CFAP20DC: variants seen among roughly 807,000 people sequenced by gnomAD.
The protein encoded by CFAP20DC is CFAP20 domain containing.
CFAP20DC carries 84 observed loss-of-function variants against 101.7 expected under a neutral mutation model. The observed-to-expected ratio is 0.83, with a 90% CI of 0.69 to 0.99. The LOEUF (loss-of-function observed/expected upper bound fraction) is 0.99, where lower values mean the gene tolerates loss of function less well. CFAP20DC is among the 50% of genes least tolerant of loss of function. The pLI, the probability that CFAP20DC is intolerant of heterozygous loss-of-function variation, is 0.00. For synonymous variants in CFAP20DC, 359 were observed against 351.2 expected (o/e 1.02, Z -0.25); for missense variants, 1,007 against 970.3 (o/e 1.04, Z -0.50).
chr3:58,811,161 A>G (rs935127867), intron 14 of CFAP20DC, among the ~76,000 whole-genome samples: 1 of 152,136 alleles, frequency 6.6e-6, no homozygotes, highest in African/African-American at 2.4e-5. Context: ...TGCCATCCCC[A>G]TCAAGCTACC....
intron 15 of CFAP20DC, among the ~76,000 whole-genome samples, chr3:58,763,954 G>C (rs533648254): frequency 8.9e-4 from 136 of 152,266 alleles, no homozygotes; most frequent in African/African-American, 2.7e-3. Context: ...CCCTACTCGG[G>C]GGTTCCTCCC....
At chr3:58,845,567 C>A (rs1202693411) in intron 13 of CFAP20DC, among the ~76,000 whole-genome samples, 1 of 151,860 alleles carries the variant, frequency 6.6e-6, no homozygotes, top group Non-Finnish European at 1.5e-5. Context: ...GATTCACAGC[C>A]GAATTCTACC....
At chr3:58,735,681 A>G (rs577310904) in intron 3 of CFAP20DC, among the ~76,000 whole-genome samples, 23 of 152,276 alleles carry the variant, frequency 1.5e-4, no homozygotes, top group African/African-American at 5.5e-4. Flanking sequence ...CATGAATGGG[A>G]CCCAGGCAGC....
chr3:58,812,514 A>T (rs1036324853), intron 14 of CFAP20DC, among the ~76,000 whole-genome samples: 7 of 150,452 alleles, frequency 4.7e-5, no homozygotes, highest in African/African-American at 9.8e-5. Flanking sequence ...ATGAGAACAC[A>T]TGGACACAGG....
intron 4 of CFAP20DC, among the ~76,000 whole-genome samples, chr3:58,982,306 T>C (rs1159194469): frequency 6.6e-6 from 1 of 152,212 alleles, no homozygotes; most frequent in Non-Finnish European, 1.5e-5. Flanking sequence ...AGTGTGGCGA[T>C]TCCTCAGGGA....
intron 15 of CFAP20DC, among the ~76,000 whole-genome samples, chr3:58,775,522 C>A (rs1314619309): frequency 6.6e-6 from 1 of 151,950 alleles, no homozygotes; most frequent in Non-Finnish European, 1.5e-5. Flanking sequence ...AATAATTCAC[C>A]TAAAAATAAA....
intron 4 of CFAP20DC, among the ~76,000 whole-genome samples, chr3:58,958,173 T>G (rs1442308006): frequency 2.6e-5 from 4 of 152,110 alleles, no homozygotes; most frequent in African/African-American, 9.7e-5. Flanking sequence ...AAATCCCTTA[T>G]GCTTGTTTGC....
At chr3:58,865,086 T>A (rs1220042281) in intron 11 of CFAP20DC, among the ~76,000 whole-genome samples, 1 of 149,466 alleles carries the variant, frequency 6.7e-6, no homozygotes, top group Non-Finnish European at 1.5e-5. Context: ...CTCAATGTAG[T>A]CTTTTTTTTT....
chr3:58,769,972 T>G (rs2070693764), intron 15 of CFAP20DC, among the ~76,000 whole-genome samples: 3 of 152,194 alleles, frequency 2.0e-5, no homozygotes, highest in Non-Finnish European at 4.4e-5. Context: ...AAGTGCTCAG[T>G]GCTCTAAGAA....
intron 5 of CFAP20DC, among the ~76,000 whole-genome samples, chr3:58,931,356 CA>C (rs2086649989): frequency 1.3e-5 from 2 of 152,210 alleles, no homozygotes; most frequent in Non-Finnish European, 2.9e-5. Flanking sequence ...CACAGACAAA[CA>C]AAAAGACAGC....
At chr3:58,821,822 G>A (rs1447507038) in intron 14 of CFAP20DC, among the ~76,000 whole-genome samples, 1 of 137,370 alleles carries the variant, frequency 7.3e-6, no homozygotes, top group Non-Finnish European at 1.6e-5. Flanking sequence ...TATAAATCAT[G>A]CTGCTATAAA....
chr3:58,768,353 CA>C (rs1200757659), intron 15 of CFAP20DC, among the ~76,000 whole-genome samples: 10 of 152,220 alleles, frequency 6.6e-5, no homozygotes, highest in African/African-American at 1.9e-4. Context: ...GGGAATGAAA[CA>C]GTATTGGCAC....
rs537145922 is a variant in CFAP20DC, at chr3:58,969,485, T to C, written c.279-31723A>G. 8.5e-5 allele frequency among the ~76,000 whole-genome samples: 13 copies of C among 152,250 alleles called. No homozygotes were observed. In the South Asian group the frequency reaches 2.3e-3, roughly 27 times the overall value. On this transcript the variant is annotated intron_variant, in intron 4 of 16. Coordinates refer to ENST00000482387, the MANE Select transcript of CFAP20DC (RefSeq NM_001394063.1). ...CACTCGTAGGTGAGCTCCAAGAGGA[T>C]TGAAAACATATGTCCACACACAAAC...
At chr3:58,935,812 T>C (rs2107746530) in intron 5 of CFAP20DC, among the ~76,000 whole-genome samples, 1 of 152,238 alleles carries the variant, frequency 6.6e-6, no homozygotes. Flanking sequence ...TCTAAAACCA[T>C]AAAAACCCTA....
At chr3:58,733,426 C>A (rs2067686184) in intron 3 of CFAP20DC, among the ~76,000 whole-genome samples, 5 of 152,082 alleles carry the variant, frequency 3.3e-5, no homozygotes. Flanking sequence ...AAACATTCGT[C>A]ATATACTCTG....
intron 15 of CFAP20DC, among the ~76,000 whole-genome samples, chr3:58,783,879 G>A (rs959633443): frequency 1.3e-5 from 2 of 151,716 alleles, no homozygotes; most frequent in Admixed American, 1.3e-4. Flanking sequence ...TTAGATTCAG[G>A]GGATACATGT....
At position 59,001,473 on chromosome 3, in the gene CFAP20DC, C is replaced by T. The variant is rs116982535; in HGVS notation, c.278+38084G>A. On this transcript the variant is annotated intron_variant, in intron 4 of 16. Transcript: ENST00000482387. The surrounding 1 kb of genome is among the most constrained non-coding windows in gnomAD (Gnocchi z 4.5). Reference sequence around the variant, plus strand: ...AGGCTGGAGTGCAATGGCTCAATCTCAGCCTCGATCTCACCCCAACCTCCG... The same window carrying T: ...AGGCTGGAGTGCAATGGCTCAATCTTAGCCTCGATCTCACCCCAACCTCCG... Among the ~76,000 whole-genome samples the T allele has an allele frequency of 5.5e-4, 83 of 152,250 alleles. No homozygotes were observed. The East Asian group carries it at 0.015, about 28-fold the overall frequency.
rs1295489032 is a variant in CFAP20DC at position 58,799,272 on chromosome 3, C to T, written c.2237+7123G>A. On this transcript the variant is annotated intron_variant, in intron 15 of 16. Coordinates refer to ENST00000482387, the MANE Select transcript of CFAP20DC (RefSeq NM_001394063.1). This position sits in a 1 kb window ranked among gnomAD's most constrained non-coding sequence, Gnocchi z 4.9. ...AAATAAGCAACTGCCAGTAAGAATA[C>T]AGGGCGAACACACTAATTCAATTTT... Among the ~76,000 whole-genome samples, 1 of 152,096 alleles carries T rather than the reference C, an allele frequency of 6.6e-6. No individual in the cohort carries two copies. Among genetic ancestry groups the T allele is most frequent in the African/African-American group, 2.4e-5 (1 of 41,404 alleles).
intron 15 of CFAP20DC, among the ~76,000 whole-genome samples, chr3:58,796,477 G>T (rs1031205374): frequency 1.3e-5 from 2 of 152,200 alleles, no homozygotes; most frequent in Non-Finnish European, 2.9e-5. Context: ...CTCTGCTGTG[G>T]ATCGGGGAGG....
Sources: allele counts gnomAD v4.1 joint callset (sites outside exome capture counted in the v4.1 genomes callset), GRCh38; gene constraint gnomAD v4.1.1; non-coding constraint Gnocchi (gnomAD v3.1); transcripts MANE v1.5; gene names NCBI Gene and HGNC (gene_info 2026-07-23, HGNC 2026-07-21).